The following RAD51B variants were observed in gnomAD, a reference collection of about 807,000 sequenced individuals.
RAD51B encodes DNA repair protein RAD51 homolog 2.
RAD51B carries 38 observed loss-of-function variants against 42.2 expected under a neutral mutation model. That is an observed-to-expected ratio of 0.90 (90% CI 0.70 to 1.18). The LOEUF is 1.18. Among genes scored for constraint, RAD51B ranks in the 50% most tolerant of loss-of-function variants. The pLI is 0.00. For synonymous variants in RAD51B, 154 were observed against 145.2 expected (o/e 1.06, Z -0.43); for missense variants, 373 against 400.7 (o/e 0.93, Z 0.59).
intron 7 of RAD51B, among the ~76,000 whole-genome samples, chr14:67,950,426 C>A (rs1270351961): frequency 6.6e-6 from 1 of 152,202 alleles, no homozygotes; most frequent in Non-Finnish European, 1.5e-5. Flanking sequence ...TTATAGCTTT[C>A]TTTCCTCTCT....
intron 7 of RAD51B, among the ~76,000 whole-genome samples, chr14:68,125,754 G>T (rs418467): frequency 0.21 from 27,553 of 131,204 alleles, 2,854 homozygotes; most frequent in African/African-American, 0.4. Flanking sequence ...GTTTTGTTTT[G>T]TTTTGTTTTT....
chr14:68,076,927 T>C (rs1340600106), intron 7 of RAD51B, among the ~76,000 whole-genome samples: 2 of 152,268 alleles, frequency 1.3e-5, no homozygotes, highest in Non-Finnish European at 2.9e-5. Context: ...TGAGCCTTTC[T>C]TTTAATGCTC....
chr14:68,279,670 A>C (rs1037477887), intron 7 of RAD51B, among the ~76,000 whole-genome samples: 1 of 152,206 alleles, frequency 6.6e-6, no homozygotes, highest in African/African-American at 2.4e-5. Context: ...ATTAAGAATT[A>C]ATTATTTTTT....
At chr14:67,926,938 AG>A (rs1883612319) in intron 7 of RAD51B, among the ~76,000 whole-genome samples, 1 of 152,224 alleles carries the variant, frequency 6.6e-6, no homozygotes, top group African/African-American at 2.4e-5. Flanking sequence ...TCCTGAGGTC[AG>A]GGATAATAGT....
At chr14:68,326,038 CTTTTTTTT>C (rs763428544) in intron 8 of RAD51B, among the ~76,000 whole-genome samples, 1 of 80,466 alleles carries the variant, frequency 1.2e-5, no homozygotes, top group Non-Finnish European at 2.8e-5. Flanking sequence ...TTTTTCTTTT[CTTTTTTTT>C]TTTTTTTTTT....
At chr14:68,459,446 G>T (rs529943276) in intron 9 of RAD51B, among the ~76,000 whole-genome samples, 2 of 152,202 alleles carry the variant, frequency 1.3e-5, no homozygotes, top group Non-Finnish European at 2.9e-5. Flanking sequence ...ACTTACCAAT[G>T]GGTTTTATTA....
intron 8 of RAD51B, among the ~76,000 whole-genome samples, chr14:68,368,714 GA>G (rs1435628030): frequency 6.6e-6 from 1 of 152,176 alleles, no homozygotes. Context: ...TTAAAGTGGG[GA>G]ATGAGAGAAA....
At chr14:68,165,499 T>C (rs1011129704) in intron 7 of RAD51B, among the ~76,000 whole-genome samples, 1 of 151,886 alleles carries the variant, frequency 6.6e-6, no homozygotes, top group Non-Finnish European at 1.5e-5. Flanking sequence ...TTTATTCATA[T>C]GCATTTTTTT....
intron 7 of RAD51B, among the ~76,000 whole-genome samples, chr14:68,219,809 A>C (rs2079889621): frequency 6.6e-6 from 1 of 152,222 alleles, no homozygotes; most frequent in African/African-American, 2.4e-5. Context: ...ATACTGGCTC[A>C]CCAGCAATTG....
intron 5 of RAD51B, among the ~76,000 whole-genome samples, chr14:67,868,121 C>A (rs1294381604): frequency 6.6e-6 from 1 of 152,132 alleles, no homozygotes; most frequent in Non-Finnish European, 1.5e-5. Context: ...TCTACAGCTC[C>A]CAGCATGAGC....
intron 10 of RAD51B, among the ~76,000 whole-genome samples, chr14:68,647,391 G>A (rs61987114): frequency 0.063 from 9,616 of 152,124 alleles, 396 homozygotes; most frequent in African/African-American, 0.1. Flanking sequence ...GAATTTCTTG[G>A]CTTTTGGTTT....
intron 9 of RAD51B, among the ~76,000 whole-genome samples, chr14:68,435,084 G>A (rs976497866): frequency 6.6e-6 from 1 of 152,172 alleles, no homozygotes; most frequent in Non-Finnish European, 1.5e-5. Context: ...ACATGGGTAT[G>A]TTACGAGATG....
chr14:68,163,253 G>A (rs570525620), intron 7 of RAD51B, among the ~76,000 whole-genome samples: 148 of 152,242 alleles, frequency 9.7e-4, no homozygotes, highest in African/African-American at 2.7e-3. Flanking sequence ...GCATTTTCTC[G>A]TTTTGCCAGT....
chr14:68,256,664 G>A (rs1172107003), intron 7 of RAD51B, among the ~76,000 whole-genome samples: 2 of 151,972 alleles, frequency 1.3e-5, no homozygotes, highest in Non-Finnish European at 1.5e-5. Context: ...CTTTTTCTCT[G>A]AGGCCTATCC....
rs1004899511 is a variant in RAD51B, at chr14:67,825,586, A to G, written c.198+9A>G. The G allele has an allele frequency of 4.5e-6, 7 of 1,552,466 alleles. No individual in the cohort carries two copies. The African/African-American group carries it at 8.3e-5, about 18-fold the overall frequency. On this transcript the variant is annotated intron_variant, in intron 3 of 10. Transcript: ENST00000471583. ...CCCCAAAGATGCAAACGGTATATTTATATTTTATTATGATTTGATTATGAA... is the reference window on the plus strand; with the variant it reads ...CCCCAAAGATGCAAACGGTATATTTGTATTTTATTATGATTTGATTATGAA...
At chr14:67,915,259 A>C (rs900249651) in intron 7 of RAD51B, among the ~76,000 whole-genome samples, 1 of 152,142 alleles carries the variant, frequency 6.6e-6, no homozygotes, top group Non-Finnish European at 1.5e-5. Context: ...TTATAAAAGA[A>C]ATGGGGTATG....
intron 11 of RAD51B, among the ~76,000 whole-genome samples, chr14:68,661,279 G>T (rs1271035502): frequency 2.0e-5 from 3 of 152,332 alleles, no homozygotes; most frequent in Admixed American, 1.3e-4. Flanking sequence ...CAGAACAGGA[G>T]AAATTATTCC....
At chr14:68,338,997 T>G in intron 8 of RAD51B, 1 of 657,126 alleles carries the variant, frequency 1.5e-6, no homozygotes, top group Non-Finnish European at 2.8e-6. Context: ...AGGGACCCCC[T>G]TTTTACAACA....
At chr14:67,974,741 G>A (rs1457860830) in intron 7 of RAD51B, among the ~76,000 whole-genome samples, 1 of 152,062 alleles carries the variant, frequency 6.6e-6, no homozygotes, top group African/African-American at 2.4e-5. Context: ...TTTATCAGTT[G>A]TGTACACTTT....
Sources: allele counts gnomAD v4.1 joint callset (sites outside exome capture counted in the v4.1 genomes callset), GRCh38; gene constraint gnomAD v4.1.1; transcripts MANE v1.5; gene names NCBI Gene and HGNC (gene_info 2026-07-23, HGNC 2026-07-21).